CADM2: variants seen among roughly 807,000 people sequenced by gnomAD.
CADM2 encodes the protein cell adhesion molecule 2.
In CADM2, 12 loss-of-function variants were observed where a neutral mutation model predicts 49.8. The ratio of observed to expected loss-of-function variants is 0.24; its 90% CI spans 0.15 to 0.39. CADM2 has a LOEUF of 0.39. Among genes scored for constraint, CADM2 ranks in the 10% least tolerant of loss-of-function variants. CADM2 has a pLI of 1.00. For synonymous variants in CADM2, 214 were observed against 175.4 expected, an observed-to-expected ratio of 1.22 and a Z score of -1.74; for missense variants, 378 against 492.3, an observed-to-expected ratio of 0.77 and a Z score of 2.20.
chr3:85,867,918 G>C, intron 3 of CADM2, among the ~76,000 whole-genome samples: 1 of 151,906 alleles, frequency 6.6e-6, no homozygotes, highest in East Asian at 1.9e-4. Context: ...ATTTTAAAAT[G>C]AGATCTTAGG....
At chr3:85,983,859 A>G (rs1727765019) in intron 8 of CADM2, among the ~76,000 whole-genome samples, 1 of 151,436 alleles carries the variant, frequency 6.6e-6, no homozygotes, top group Non-Finnish European at 1.5e-5. Flanking sequence ...TGTCCTTTGA[A>G]GTATAACAGT....
chr3:85,676,520 CAT>C (rs2065890744), intron 1 of CADM2, among the ~76,000 whole-genome samples: 1 of 152,104 alleles, frequency 6.6e-6, no homozygotes, highest in Non-Finnish European at 1.5e-5. Context: ...ATTGTTGTAA[CAT>C]AGGACAGACT....
At chr3:85,475,274 T>C (rs2038931817) in intron 1 of CADM2, among the ~76,000 whole-genome samples, 1 of 152,016 alleles carries the variant, frequency 6.6e-6, no homozygotes, top group Non-Finnish European at 1.5e-5. Flanking sequence ...AATCTAATTG[T>C]GATAGGAAGA....
At chr3:86,014,568 C>G in intron 8 of CADM2, 1 of 1,595,918 alleles carries the variant, frequency 6.3e-7, no homozygotes, top group East Asian at 2.2e-5. Context: ...TAAAGAAACA[C>G]TAAGTGTCCC....
chr3:86,023,672 C>T (rs1733501248), intron 8 of CADM2, among the ~76,000 whole-genome samples: 1 of 152,036 alleles, frequency 6.6e-6, no homozygotes, highest in Non-Finnish European at 1.5e-5. Context: ...TCTTTTTTAA[C>T]CTTTGGGAGA....
At chr3:85,081,916 T>G (rs1365140237) in intron 1 of CADM2, among the ~76,000 whole-genome samples, 2 of 152,304 alleles carry the variant, frequency 1.3e-5, no homozygotes, top group South Asian at 2.1e-4. Flanking sequence ...CATTGCTAAG[T>G]GTTTGTTATC....
At chr3:85,333,008 A>G (rs1386891224) in intron 1 of CADM2, among the ~76,000 whole-genome samples, 2 of 151,842 alleles carry the variant, frequency 1.3e-5, no homozygotes, top group Non-Finnish European at 3.0e-5. Context: ...ACAATAAGTT[A>G]TTTGTAAACT....
intron 1 of CADM2, among the ~76,000 whole-genome samples, chr3:85,717,712 T>C (rs2107756495): frequency 6.6e-6 from 1 of 152,110 alleles, no homozygotes; most frequent in African/African-American, 2.4e-5. Flanking sequence ...TGTTGAATTA[T>C]ATCGAAGGGC....
At chr3:85,403,479 C>G (rs576711138) in intron 1 of CADM2, among the ~76,000 whole-genome samples, 17 of 152,056 alleles carry the variant, frequency 1.1e-4, no homozygotes, top group Admixed American at 2.6e-4. Flanking sequence ...AACAAACAAA[C>G]AAAAAAGTAA....
chr3:85,162,049 T>A (rs565178864), intron 1 of CADM2, among the ~76,000 whole-genome samples: 1 of 152,186 alleles, frequency 6.6e-6, no homozygotes, highest in South Asian at 2.1e-4. Context: ...AAAAAACAAG[T>A]ACCTTTGTCT....
chr3:85,281,462 AT>A (rs1251575471), intron 1 of CADM2, among the ~76,000 whole-genome samples: 2 of 151,990 alleles, frequency 1.3e-5, no homozygotes, highest in Non-Finnish European at 2.9e-5. Flanking sequence ...TATTATTTCA[AT>A]TTTTTTAACA....
chr3:85,232,176 G>T (rs1432915940), intron 1 of CADM2, among the ~76,000 whole-genome samples: 1 of 150,286 alleles, frequency 6.7e-6, no homozygotes, highest in Admixed American at 6.6e-5. Context: ...TAGTGATTTT[G>T]TTCAGTTAAA....
chr3:85,336,352 G>C (rs538252368), intron 1 of CADM2, among the ~76,000 whole-genome samples: 9 of 151,514 alleles, frequency 5.9e-5, no homozygotes, highest in Admixed American at 5.3e-4. Context: ...AATTTTATTT[G>C]TTATAGGCCA....
At chr3:85,348,029 G>C (rs1005466602) in intron 1 of CADM2, among the ~76,000 whole-genome samples, 1 of 152,062 alleles carries the variant, frequency 6.6e-6, no homozygotes, top group Non-Finnish European at 1.5e-5. Context: ...AGCTGGCCTT[G>C]AACTCCTGAA....
intron 2 of CADM2, among the ~76,000 whole-genome samples, chr3:85,773,804 C>T (rs1368821071): frequency 6.6e-6 from 1 of 151,880 alleles, no homozygotes; most frequent in African/African-American, 2.4e-5. Context: ...AAAAATGATG[C>T]AGTTTTCATG....
chr3:85,776,648 T>G (rs571445505), intron 2 of CADM2, among the ~76,000 whole-genome samples: 1 of 152,116 alleles, frequency 6.6e-6, no homozygotes, highest in Non-Finnish European at 1.5e-5. Flanking sequence ...ACCTTGAAAT[T>G]ATTTCTGCTC....
chr3:85,294,514 G>C lies in CADM2; in HGVS notation c.61+334846G>C, dbSNP rs540349372. On this transcript the variant is annotated intron_variant, in intron 1 of 9. Coordinates refer to ENST00000383699, the MANE Select transcript of CADM2 (RefSeq NM_001167675.2). ...CTAAGCCAAAAGAACAAAGCTGGAG[G>C]CATCACACTACCTGACTTCAAACTA... is the stretch of plus-strand genomic sequence containing the variant. Among the ~76,000 whole-genome samples, 556 of 152,044 alleles carry C rather than the reference G, an allele frequency of 3.7e-3. 4 individuals are homozygous for C. Among genetic ancestry groups the C allele is most frequent in the Middle Eastern group, 6.8e-3 (2 of 294 alleles).
chr3:85,327,571 C>A (rs1304769455), intron 1 of CADM2, among the ~76,000 whole-genome samples: 2 of 144,940 alleles, frequency 1.4e-5, no homozygotes, highest in African/African-American at 5.5e-5. Context: ...CACACACACA[C>A]ACACACACAC....
At chr3:85,771,841 C>T (rs1205350355) in intron 2 of CADM2, among the ~76,000 whole-genome samples, 1 of 152,038 alleles carries the variant, frequency 6.6e-6, no homozygotes, top group Non-Finnish European at 1.5e-5. Context: ...AGGGATTTTG[C>T]TCTTTCCCAA....
Sources: allele counts gnomAD v4.1 joint callset (sites outside exome capture counted in the v4.1 genomes callset), GRCh38; gene constraint gnomAD v4.1.1; transcripts MANE v1.5; gene names NCBI Gene and HGNC (gene_info 2026-07-23, HGNC 2026-07-21).